Variants in DMBT1 observed in about 807,000 individuals in gnomAD.
The protein encoded by DMBT1 is deleted in malignant brain tumors 1, also known as scavenger receptor cysteine-rich domain-containing protein DMBT1.
In DMBT1, 198 loss-of-function variants were observed where a neutral mutation model predicts 252.9. The ratio of observed to expected loss-of-function variants is 0.78; its 90% CI spans 0.70 to 0.88. The LOEUF (loss-of-function observed/expected upper bound fraction) is 0.88, where lower values mean the gene tolerates loss of function less well. Ranked by LOEUF, DMBT1 falls within the 40% of genes least tolerant of loss-of-function variation. DMBT1 has a pLI of 0.00. For missense variants in DMBT1, 2,432 were observed against 2,404.7 expected (o/e 1.01, Z -0.24); for synonymous variants, 990 against 942.7 (o/e 1.05, Z -0.92).
At chr10:122,567,658 T>C (rs926876942) in intron 2 of DMBT1, among the ~76,000 whole-genome samples, 46 of 152,150 alleles carry the variant, frequency 3.0e-4, no homozygotes, top group African/African-American at 9.7e-4. Context: ...CCTGTACCTA[T>C]TTTCCTCACA....
chr10:122,635,505 C>G (rs1038948666), intron 52 of DMBT1, among the ~76,000 whole-genome samples: 1 of 152,116 alleles, frequency 6.6e-6, no homozygotes, highest in East Asian at 1.9e-4. Context: ...AGATGAGACT[C>G]TCTTGATTTA....
chr10:122,569,114 G>T (rs573841846), intron 2 of DMBT1, among the ~76,000 whole-genome samples: 1 of 141,380 alleles, frequency 7.1e-6, no homozygotes, highest in East Asian at 2.2e-4. Context: ...TTCTAAAGCT[G>T]GATATAGTGG....
chr10:122,570,778 T>C (rs1309236312), intron 3 of DMBT1, 112 bp from the exon 4 acceptor site: 1 of 1,313,100 alleles, frequency 7.6e-7, no homozygotes, highest in Non-Finnish European at 1.1e-6. Context: ...CAATGGAGGT[T>C]GCCCTTAGGA....
chr10:122,638,280 G>A (rs1244502227), intron 54 of DMBT1, among the ~76,000 whole-genome samples: 1 of 143,618 alleles, frequency 7.0e-6, no homozygotes, highest in Non-Finnish European at 1.5e-5. Context: ...CCCGCTGAGG[G>A]CCCTTCACAC....
chr10:122,586,606 G>A lies in DMBT1; in HGVS notation c.1783+223G>A, dbSNP rs1335719657. ...AAAGTGAAATAAGGGTCACACCTTT[G>A]TTCCCCTACTGAGGCAGCGCAAGCA... On this transcript the variant is annotated intron_variant, in intron 16 of 55. Transcript: ENST00000338354. Among the ~76,000 whole-genome samples, 3 of 148,546 alleles carry A rather than the reference G, an allele frequency of 2.0e-5. 1 individual carries two copies. The highest frequency in any genetic ancestry group is 3.0e-5 in the Non-Finnish European group (2 of 66,764).
intron 7 of DMBT1, 69 bp from the exon 8 acceptor site, chr10:122,577,731 TACCCCAAGTCA>T: frequency 6.5e-7 from 1 of 1,546,244 alleles, no homozygotes; most frequent in South Asian, 1.2e-5. Flanking sequence ...AGGGTGTAGA[TACCCCAAGTCA>T]CTTCAGCCTT....
At chr10:122,570,855 A>G (rs1316894502) in intron 3 of DMBT1, 35 bp from the exon 4 acceptor site, 1 of 1,606,936 alleles carries the variant, frequency 6.2e-7, no homozygotes, top group Admixed American at 1.7e-5. Context: ...AACAAGGGCT[A>G]CCATCAATGA....
chr10:122,589,280 C>T lies in DMBT1; in HGVS notation c.2107+13C>T. On this transcript the variant is annotated intron_variant, in intron 17 of 55. Coordinates refer to ENST00000338354, the MANE Select transcript of DMBT1 (RefSeq NM_001377530.1). ...GTCATCTGCTCAGGTGGGCCTCCAG[C>T]AATTTTGGTTTCCTCTCTTGGGGTA... 1 of 1,588,296 alleles carries T rather than the reference C, an allele frequency of 6.3e-7. No homozygotes were observed. The highest frequency in any genetic ancestry group is 8.6e-7 in the Non-Finnish European group (1 of 1,165,634).
intron 11 of DMBT1, 83 bp downstream of exon 11, chr10:122,580,978 T>C: frequency 6.5e-7 from 1 of 1,548,228 alleles, no homozygotes; most frequent in Non-Finnish European, 8.8e-7. Flanking sequence ...GCTCTCCTGT[T>C]TCTCTGTGTG....
intron 1 of DMBT1, among the ~76,000 whole-genome samples, chr10:122,564,674 G>A (rs987415568): frequency 3.3e-5 from 5 of 150,778 alleles, no homozygotes; most frequent in Non-Finnish European, 7.4e-5. Context: ...AGTTCTTGTT[G>A]CAAAATATCA....
intron 10 of DMBT1, 36 bp downstream of exon 10, chr10:122,579,937 G>T (rs748666295): frequency 6.2e-7 from 1 of 1,613,298 alleles, no homozygotes; most frequent in Non-Finnish European, 8.5e-7. Context: ...CTCTCTTGGG[G>T]TGGAGTTTGC....
chr10:122,599,408 G>A (rs1380662362), intron 26 of DMBT1, among the ~76,000 whole-genome samples: 1 of 152,194 alleles, frequency 6.6e-6, no homozygotes, highest in Non-Finnish European at 1.5e-5. Flanking sequence ...CACGGTGTGA[G>A]GGTATAATGG....
In DMBT1 at chr10:122,633,256, G is replaced by A. The variant is rs541947593; in HGVS notation, c.6463G>A (p.Gly2155Arg). The change falls in exon 52 of 56, where the codon GGG becomes AGG. Residue 2155 changes from glycine to arginine, a missense_variant. Transcript: ENST00000338354. Reference sequence around the variant, plus strand: ...GGACTTTTCCAGCCCATTCTATCCCGGGAACTATCCAAACAATGCCAAGTG... The same window carrying A: ...GGACTTTTCCAGCCCATTCTATCCCAGGAACTATCCAAACAATGCCAAGTG... ...SGDFSSPFYP[G>R]NYPNNAKCVW... 70 of 1,613,866 alleles carry A rather than the reference G, an allele frequency of 4.3e-5. 1 individual carries two copies. In the Middle Eastern group the frequency reaches 8.2e-4, roughly 19 times the overall value.
rs1342716208 is a variant in DMBT1 at position 122,586,112 on chromosome 10, G to A, written c.1512G>A (p.Gln504=). 6.3e-7 allele frequency: 1 copy of A among 1,589,066 alleles called. No homozygotes were observed. Among genetic ancestry groups the A allele is most frequent in the Non-Finnish European group, 8.6e-7 (1 of 1,166,078 alleles). The change falls in exon 16 of 56, where the codon CAG becomes CAA. Residue 504 remains glutamine, a synonymous_variant. Transcript: ENST00000338354. ...TGGTGAATGGAGGTGACAGGTGTCA[G>A]GGCCGAGTGGAGGTCCTATACCGAG... ...LRLVNGGDRC[Q]GRVEVLYRGS... is the part of the protein sequence containing the mutation.
At chr10:122,625,821 T>A in intron 45 of DMBT1, 112 bp from the exon 46 acceptor site, 1 of 887,578 alleles carries the variant, frequency 1.1e-6, no homozygotes, top group South Asian at 1.3e-5. Context: ...TGGTCAAGGC[T>A]CTGAGAAGTC....
chr10:122,638,229 T>G (rs894478695), intron 54 of DMBT1, among the ~76,000 whole-genome samples: 1 of 152,104 alleles, frequency 6.6e-6, no homozygotes, highest in Non-Finnish European at 1.5e-5. Context: ...GTGACCATTG[T>G]TCCTATGCCA....
chr10:122,580,042 C>G, intron 10 of DMBT1, 141 bp downstream of exon 10: 1 of 1,467,924 alleles, frequency 6.8e-7, no homozygotes, highest in Non-Finnish European at 9.1e-7. Flanking sequence ...TGCTAAGAAT[C>G]CATATGTACT....
Position 122,625,958 on chromosome 10 carries a change from C to G in DMBT1, c.5661C>G (p.Thr1887=). Residue 1887 remains threonine, a synonymous_variant, in exon 46 of 56, where the codon ACC becomes ACG. Coordinates refer to ENST00000338354, the MANE Select transcript of DMBT1 (RefSeq NM_001377530.1). ...ATTGGTGGCATCCAACAACTACAACCACTGCAAGTAGGTATCACATTTTCT... is the reference window on the plus strand; with the variant it reads ...ATTGGTGGCATCCAACAACTACAACGACTGCAAGTAGGTATCACATTTTCT... The part of the protein sequence containing the change: ...TTDWWHPTTT[T]TARPSSNCGG... 6.2e-7 allele frequency: 1 copy of G among 1,611,690 alleles called. No individual in the cohort carries two copies. The highest frequency in any genetic ancestry group is 8.5e-7 in the Non-Finnish European group (1 of 1,177,796).
chr10:122,566,032 G>C (rs373736497), intron 2 of DMBT1, 36 bp downstream of exon 2: 221 of 1,611,780 alleles, frequency 1.4e-4, no homozygotes, highest in Non-Finnish European at 1.8e-4. Context: ...CCCTGGTGGG[G>C]TTGGCCAGTT....
Sources: gnomAD v4.1 joint callset for allele counts (sites outside exome capture counted in the v4.1 genomes callset) on GRCh38, gnomAD v4.1.1 for gene constraint, MANE v1.5 for transcripts, NCBI Gene and HGNC (gene_info 2026-07-23, HGNC 2026-07-21) for gene names.